Variants in PRKCE observed in about 807,000 individuals in gnomAD.
The protein encoded by PRKCE is protein kinase C epsilon type.
PRKCE carries 16 observed loss-of-function variants against 85.4 expected under a neutral mutation model. That is an observed-to-expected ratio of 0.19 (90% CI 0.13 to 0.28). The LOEUF is 0.28. Among genes scored for constraint, PRKCE ranks in the 10% least tolerant of loss-of-function variants. The probability of loss-of-function intolerance (pLI) is 1.00; values close to 1 mark genes in which losing one functional copy is unlikely to be tolerated. For missense variants in PRKCE, 573 were observed against 975.2 expected (o/e 0.59, Z 5.49); for synonymous variants, 388 against 371.5 (o/e 1.04, Z -0.51).
intron 6 of PRKCE, among the ~76,000 whole-genome samples, chr2:45,993,359 G>T (rs922801717): frequency 6.6e-6 from 1 of 152,192 alleles, no homozygotes; most frequent in African/African-American, 2.4e-5. Context: ...GGCATTTCCA[G>T]ACTTTTCAAA....
chr2:46,002,497 C>T (rs1484094250), intron 7 of PRKCE, among the ~76,000 whole-genome samples: 2 of 152,216 alleles, frequency 1.3e-5, no homozygotes, highest in African/African-American at 2.4e-5. Context: ...TTAGAAGCTA[C>T]CCGTGGCTCT....
Position 46,135,301 on chromosome 2 carries a change from G to T in PRKCE, c.1593-9792G>T, listed in dbSNP as rs572756145. Among the ~76,000 whole-genome samples, 30 of 152,330 alleles carry T rather than the reference G, an allele frequency of 2.0e-4. 1 individual carries two copies. Among genetic ancestry groups the T allele is most frequent in the African/African-American group, 6.5e-4 (27 of 41,574 alleles). Reference sequence around the variant, plus strand: ...TGTTCTCTATCCCATGAAAGGGCGGGCGTGTGGACACGATGTATATTTTTT... The same window carrying T: ...TGTTCTCTATCCCATGAAAGGGCGGTCGTGTGGACACGATGTATATTTTTT... On this transcript the variant is annotated intron_variant, in intron 11 of 14. Transcript: ENST00000306156.
At chr2:46,160,633 G>T (rs1228470525) in intron 14 of PRKCE, among the ~76,000 whole-genome samples, 3 of 152,154 alleles carry the variant, frequency 2.0e-5, no homozygotes, top group Non-Finnish European at 4.4e-5. Context: ...GTGCTGTGGG[G>T]CTGTGGAACT....
rs180713505 is a variant in PRKCE, at chr2:45,929,753, A to G, written c.413-46676A>G. Among the ~76,000 whole-genome samples the G allele has an allele frequency of 1.0e-3, 155 of 149,742 alleles. 4 individuals are homozygous for G. The Middle Eastern group carries it at 0.034, about 33-fold the overall frequency. ...CCCAGGACCTCATATAATTATCTCT[A>G]ATCCTTCTCTTGCATCTTTCATGTG... On this transcript the variant is annotated intron_variant, in intron 2 of 14. Coordinates refer to ENST00000306156, the MANE Select transcript of PRKCE (RefSeq NM_005400.3).
intron 14 of PRKCE, among the ~76,000 whole-genome samples, chr2:46,168,912 T>C (rs900445573): frequency 6.6e-6 from 1 of 152,184 alleles, no homozygotes; most frequent in African/African-American, 2.4e-5. Context: ...AATGCCCTCC[T>C]GCCTATCTCT....
At chr2:46,014,570 A>T (rs868647380) in intron 10 of PRKCE, among the ~76,000 whole-genome samples, 11 of 152,248 alleles carry the variant, frequency 7.2e-5, no homozygotes, top group Non-Finnish European at 1.0e-4. Flanking sequence ...GAGAAAAAAA[A>T]TTTTTTATAC....
At chr2:45,996,003 ATCTC>A (rs1481279124) in intron 6 of PRKCE, among the ~76,000 whole-genome samples, 5 of 152,184 alleles carry the variant, frequency 3.3e-5, no homozygotes, top group African/African-American at 1.2e-4. Context: ...AATACGGTAT[ATCTC>A]TATATGTATT....
chr2:45,959,955 T>C (rs1233897895), intron 2 of PRKCE, among the ~76,000 whole-genome samples: 1 of 152,208 alleles, frequency 6.6e-6, no homozygotes, highest in Admixed American at 6.5e-5. Context: ...AAAAAAACTT[T>C]CAGAACTTCT....
At chr2:45,868,956 T>TC (rs1553435885) in intron 2 of PRKCE, among the ~76,000 whole-genome samples, 1 of 87,404 alleles carries the variant, frequency 1.1e-5, no homozygotes, top group Non-Finnish European at 2.4e-5. Context: ...ACATCCTGTC[T>TC]CAAAAAAAAA....
intron 2 of PRKCE, among the ~76,000 whole-genome samples, chr2:45,951,859 G>A (rs1558877130): frequency 6.6e-6 from 1 of 152,216 alleles, no homozygotes; most frequent in Non-Finnish European, 1.5e-5. Context: ...TTGAGACGGA[G>A]TCTTGCTCTG....
Position 45,979,105 on chromosome 2 carries a change from T to C in PRKCE, c.607+95T>C, listed in dbSNP as rs928677149. ...GGCAGGTGCTCAGTCTGATGACATT[T>C]GGAGGCTCTCCACAGCTTGCATGCT... On this transcript the variant is annotated intron_variant, in intron 4 of 14. Coordinates refer to ENST00000306156, the MANE Select transcript of PRKCE (RefSeq NM_005400.3). 9 of 1,176,096 alleles carry C rather than the reference T, an allele frequency of 7.7e-6. No homozygotes were observed. In the East Asian group the frequency reaches 2.1e-4, roughly 27 times the overall value. The allele number at this position is 1,176,096 out of a possible 1,614,324, so 72.9% of individuals were successfully genotyped here. A position where few individuals can be genotyped will look rare whatever the true frequency, so the allele number is the denominator to read the frequency against.
rs34888247 is a variant in PRKCE, at chr2:45,653,370, G to GTTTTTTTTTTTTTTTTTTTTTT, written c.348+926_348+947dup. Among the ~76,000 whole-genome samples the GTTTTTTTTTTTTTTTTTTTTTT allele has an allele frequency of 1.1e-4, 7 of 61,464 alleles. 1 individual carries two copies. Among genetic ancestry groups the GTTTTTTTTTTTTTTTTTTTTTT allele is most frequent in the Admixed American group, 2.5e-4 (1 of 3,990 alleles). The allele number at this position is 61,464 out of a possible 152,430, so 40.3% of individuals were successfully genotyped here. On this transcript the variant is annotated intron_variant, in intron 1 of 14. Transcript: ENST00000306156. ...TGCTTTTTGTGTTTGTTTTTGGGTT[G>GTTTTTTTTTTTTTTTTTTTTTT]TTTTTTTTTTTTTTTTTTTTTTTTT... is the stretch of plus-strand genomic sequence containing the variant.
chr2:45,748,883 G>T (rs1683336659), intron 1 of PRKCE, among the ~76,000 whole-genome samples: 1 of 131,696 alleles, frequency 7.6e-6, no homozygotes, highest in Admixed American at 7.8e-5. Flanking sequence ...AACAGAGAGG[G>T]AACAGGATTT....
intron 10 of PRKCE, among the ~76,000 whole-genome samples, chr2:46,061,089 T>TTAATGA: frequency 6.6e-6 from 1 of 150,462 alleles, no homozygotes; most frequent in African/African-American, 2.5e-5. Flanking sequence ...TGATTTTCTT[T>TTAATGA]TCTTCTTTTT....
intron 1 of PRKCE, among the ~76,000 whole-genome samples, chr2:45,712,355 A>G (rs1286578255): frequency 6.6e-6 from 1 of 151,600 alleles, no homozygotes; most frequent in Non-Finnish European, 1.5e-5. Flanking sequence ...AGGGTTCCCC[A>G]TATTGGCCAG....
chr2:45,955,934 T>C (rs772125481), intron 2 of PRKCE, among the ~76,000 whole-genome samples: 77 of 152,332 alleles, frequency 5.1e-4, no homozygotes, highest in Non-Finnish European at 1.1e-3. Context: ...ACCTCCCAAA[T>C]TCTCCCGTTA....
intron 5 of PRKCE, among the ~76,000 whole-genome samples, chr2:45,982,257 A>T (rs1418161105): frequency 6.8e-6 from 1 of 146,784 alleles, no homozygotes; most frequent in Non-Finnish European, 1.5e-5. Flanking sequence ...CTGGGGACCA[A>T]ACTTTGAGTT....
chr2:45,659,371 A>C (rs1675529101), intron 1 of PRKCE, among the ~76,000 whole-genome samples: 1 of 152,188 alleles, frequency 6.6e-6, no homozygotes. Context: ...AATATATCTC[A>C]GATCACATCC....
intron 11 of PRKCE, among the ~76,000 whole-genome samples, chr2:46,126,706 G>A (rs372527575): frequency 1.3e-5 from 2 of 152,180 alleles, no homozygotes; most frequent in Admixed American, 6.5e-5. Flanking sequence ...ACACAGAACC[G>A]GGTCTATGGT....
Sources: allele counts gnomAD v4.1 joint callset (sites outside exome capture counted in the v4.1 genomes callset), GRCh38; gene constraint gnomAD v4.1.1; transcripts MANE v1.5; gene names NCBI Gene and HGNC (gene_info 2026-07-23, HGNC 2026-07-21).